CDH23: variants seen among roughly 807,000 people sequenced by gnomAD.
The protein encoded by CDH23 is cadherin-23.
In CDH23, 189 loss-of-function variants were observed where a neutral mutation model predicts 317.1. That is an observed-to-expected ratio of 0.60 (90% confidence interval 0.53 to 0.67). The LOEUF is 0.67. Among genes scored for constraint, CDH23 ranks in the 30% least tolerant of loss-of-function variants. CDH23 has a pLI of 0.00. For missense variants in CDH23, 4,401 were observed against 4,592.4 expected (o/e 0.96, Z 1.20); for synonymous variants, 1,839 against 1,876.8 (o/e 0.98, Z 0.52).
intron 3 of CDH23, among the ~76,000 whole-genome samples, chr10:71,503,796 G>A (rs115446392): frequency 0.017 from 2,601 of 152,240 alleles, 60 homozygotes; most frequent in African/African-American, 0.054. Context: ...CTCGCCACCC[G>A]AGAGGTGAAT....
chr10:71,606,498 G>C (rs1860533864), intron 9 of CDH23, among the ~76,000 whole-genome samples: 1 of 152,160 alleles, frequency 6.6e-6, no homozygotes, highest in Non-Finnish European at 1.5e-5. Context: ...TCAGCCTTTT[G>C]GACCAGTCTC....
chr10:71,727,669 A>T (rs114759099), intron 30 of CDH23, among the ~76,000 whole-genome samples: 178 of 152,216 alleles, frequency 1.2e-3, no homozygotes, highest in African/African-American at 4.0e-3. Flanking sequence ...ACATACACAC[A>T]CACACACGCA....
chr10:71,466,298 A>G (rs1564598054), intron 3 of CDH23, among the ~76,000 whole-genome samples: 1 of 152,058 alleles, frequency 6.6e-6, no homozygotes, highest in Admixed American at 6.5e-5. Context: ...ATACCTGCCC[A>G]TGTGTGTGAG....
At chr10:71,666,789 C>A (rs908090039) in intron 14 of CDH23, among the ~76,000 whole-genome samples, 7 of 152,114 alleles carry the variant, frequency 4.6e-5, no homozygotes, top group African/African-American at 1.7e-4. Context: ...GCAGCAGAGT[C>A]CTCCTACCTC....
chr10:71,420,759 C>G (rs1416695233), intron 1 of CDH23, among the ~76,000 whole-genome samples: 1 of 152,122 alleles, frequency 6.6e-6, no homozygotes, highest in Non-Finnish European at 1.5e-5. Context: ...AACTGAGGCA[C>G]AGAGCAGCTA....
chr10:71,429,096 C>G (rs1223943383), intron 1 of CDH23, among the ~76,000 whole-genome samples: 2 of 152,180 alleles, frequency 1.3e-5, no homozygotes, highest in African/African-American at 4.8e-5. Context: ...TCCAATTTAT[C>G]GATTTTTTCC....
chr10:71,737,687 T>TGGGATACCTAAAA, intron 34 of CDH23: 1 of 469,830 alleles, frequency 2.1e-6, no homozygotes, highest in Non-Finnish European at 4.4e-6. Context: ...CCTGAGCTCC[T>TGGGATACCTAAAA]CCAACCCCCC....
At chr10:71,576,753 G>A (rs1858232306) in intron 8 of CDH23, among the ~76,000 whole-genome samples, 1 of 152,174 alleles carries the variant, frequency 6.6e-6, no homozygotes, top group South Asian at 2.1e-4. Context: ...GGGGAACCAA[G>A]TAAAGGCTGC....
intron 14 of CDH23, among the ~76,000 whole-genome samples, chr10:71,651,000 C>G (rs1863141426): frequency 6.6e-6 from 1 of 152,214 alleles, no homozygotes; most frequent in African/African-American, 2.4e-5. Flanking sequence ...AGGCACATGG[C>G]CCTGAGGACA....
intron 6 of CDH23, among the ~76,000 whole-genome samples, chr10:71,547,973 G>A (rs1856377271): frequency 1.3e-5 from 2 of 152,220 alleles, no homozygotes; most frequent in African/African-American, 4.8e-5. Flanking sequence ...GAGAGGCCCC[G>A]TGGGGTAGGG....
chr10:71,475,536 G>A (rs371956001), intron 3 of CDH23, among the ~76,000 whole-genome samples: 6 of 152,342 alleles, frequency 3.9e-5, no homozygotes, highest in Non-Finnish European at 5.9e-5. Flanking sequence ...GCCTTCAGGC[G>A]TGACAGATTT....
At chr10:71,625,107 G>A (rs988634087) in intron 11 of CDH23, among the ~76,000 whole-genome samples, 3 of 152,034 alleles carry the variant, frequency 2.0e-5, no homozygotes, top group Admixed American at 6.6e-5. Flanking sequence ...CCGTGAATGG[G>A]GATAGAAAGT....
rs1849915806 is a variant in CDH23, at chr10:71,442,094, G to C, written c.67+2196G>C. ...CAGATGAAGTGCTTATTAAGTGTTG[G>C]CTCCTTTATTATCAGAAGTTATCTT... On this transcript the variant is annotated intron_variant, in intron 2 of 69. Coordinates refer to ENST00000224721, the MANE Select transcript of CDH23 (RefSeq NM_022124.6). Among the ~76,000 whole-genome samples, 5 of 152,206 alleles carry C rather than the reference G, an allele frequency of 3.3e-5. No individual in the cohort carries two copies. The South Asian group carries it at 1.0e-3, about 32-fold the overall frequency.
At chr10:71,585,743 C>T (rs1047932748) in intron 9 of CDH23, among the ~76,000 whole-genome samples, 4 of 152,316 alleles carry the variant, frequency 2.6e-5, no homozygotes, top group East Asian at 3.9e-4. Context: ...TCCTGCCAGC[C>T]GGCCTCTCCT....
chr10:71,800,762 G>A lies in CDH23; in HGVS notation c.7482+7G>A. The A allele has an allele frequency of 1.2e-6, 2 of 1,613,490 alleles. No homozygotes were observed. Among genetic ancestry groups the A allele is most frequent in the Non-Finnish European group, 1.7e-6 (2 of 1,179,686 alleles). On this transcript the variant is annotated splice_region_variant and intron_variant, in intron 53 of 69. Transcript: ENST00000224721. ...TCGCGAAAATTCAGTGCAGGTGAGG[G>A]GTGCCAACCTGGGCCAGGGATGACA...
chr10:71,815,183 G>A lies in CDH23; in HGVS notation c.9970G>A (p.Glu3324Lys), dbSNP rs763119683. The change falls in exon 70 of 70, where the codon GAG becomes AAG. Residue 3324 changes from glutamate to lysine, a missense_variant. Glu to Lys is a moderately conservative substitution (Grantham distance 56). This residue lies in a region of CDH23 where 1,144 missense variants were observed against 1,138.2 expected (regional missense o/e 1.01). Transcript: ENST00000224721. ...TLTAAEATAF[E>K]RNARTESAKS... ...GACCGCTGCCGAGGCCACTGCCTTC[G>A]AGCGCAACGCCCGCACAGAATCCGC... The A allele has an allele frequency of 1.8e-5, 29 of 1,610,724 alleles. No homozygotes were observed. The highest frequency in any genetic ancestry group is 6.7e-5 in the Admixed American group (4 of 59,900).
At chr10:71,582,088 T>G (rs2132414647) in intron 9 of CDH23, among the ~76,000 whole-genome samples, 1 of 152,322 alleles carries the variant, frequency 6.6e-6, no homozygotes, top group South Asian at 2.1e-4. Context: ...CCATAAAATA[T>G]TAAGGATTAT....
Position 71,510,170 on chromosome 10 carries a change from T to G in CDH23, c.234T>G (p.Phe78Leu), listed in dbSNP as rs562521392. Residue 78 changes from phenylalanine to leucine, a missense_variant, in exon 4 of 70, where the codon TTT becomes TTG. By Grantham distance (22) the Phe-to-Leu change is conservative. Transcript: ENST00000224721. ...GVSGEEASRF[F>L]AVEPDTGVVW... ...CTGGGGAGGAGGCCTCTCGCTTCTTTGCAGTGGAGCCTGACACTGGCGTGG... is the reference window on the plus strand; with the variant it reads ...CTGGGGAGGAGGCCTCTCGCTTCTTGGCAGTGGAGCCTGACACTGGCGTGG... The G allele has an allele frequency of 1.5e-5, 24 of 1,613,998 alleles. No individual in the cohort carries two copies. The highest frequency in any genetic ancestry group is 1.9e-5 in the Non-Finnish European group (22 of 1,179,882).
At chr10:71,666,103 C>T (rs964546007) in intron 14 of CDH23, among the ~76,000 whole-genome samples, 1 of 152,122 alleles carries the variant, frequency 6.6e-6, no homozygotes, top group Non-Finnish European at 1.5e-5. Flanking sequence ...TTCCCTTTCT[C>T]TGCAGGCCTC....
Sources: gnomAD v4.1 joint callset for allele counts (sites outside exome capture counted in the v4.1 genomes callset) on GRCh38, gnomAD v4.1.1 for gene constraint, gnomAD v4.1.1 regional missense constraint, MANE v1.5 for transcripts, NCBI Gene and HGNC (gene_info 2026-07-23, HGNC 2026-07-21) for gene names.